The following DIP2A variants were observed in gnomAD, a reference collection of about 807,000 sequenced individuals.
The protein encoded by DIP2A is DIP2 acetate--CoA ligase A, also known as disco-interacting protein 2 homolog A.
A neutral mutation model predicts 177.4 loss-of-function variants in DIP2A; 85 were observed. The observed-to-expected ratio is 0.48, with a 90% CI of 0.40 to 0.57. The LOEUF is 0.57. Ranked by LOEUF, DIP2A falls within the 20% of genes least tolerant of loss-of-function variation. The pLI, the probability that DIP2A is intolerant of heterozygous loss-of-function variation, is 0.00. For synonymous variants in DIP2A, 886 were observed against 881.8 expected (o/e 1.00, Z -0.08); for missense variants, 1,791 against 2,100.2 (o/e 0.85, Z 2.88).
chr21:46,529,471 C>T (rs1047873455), intron 9 of DIP2A, among the ~76,000 whole-genome samples: 9 of 151,798 alleles, frequency 5.9e-5, no homozygotes, highest in Admixed American at 5.3e-4. Flanking sequence ...CGTGGTGGTG[C>T]GTGCCTGTAA....
Position 46,554,827 on chromosome 21 carries a change from C to T in DIP2A, c.3282C>T (p.Ser1094=). 6.5e-7 allele frequency: 1 copy of T among 1,542,618 alleles called. No homozygotes were observed. Among genetic ancestry groups the T allele is most frequent in the Non-Finnish European group, 8.7e-7 (1 of 1,145,650 alleles). The part of the protein sequence containing the change: ...LPTVKMIVEV[S]KSACVLTTQA... ...CTTGGCCCCTCGCCATGCAGGTCAG[C>T]AAGTCTGCATGCGTCCTCACCACGC... The change falls in exon 28 of 38, where the codon AGC becomes AGT. Residue 1094 remains serine, a synonymous_variant. Coordinates refer to ENST00000417564, the MANE Select transcript of DIP2A (RefSeq NM_015151.4).
intron 33 of DIP2A, chr21:46,561,410 T>C: frequency 2.6e-6 from 1 of 377,600 alleles, no homozygotes; most frequent in Non-Finnish European, 5.0e-6. Flanking sequence ...AGTCCTGGAT[T>C]CTCAAGTATG....
intron 1 of DIP2A, among the ~76,000 whole-genome samples, chr21:46,461,251 G>A (rs1325655002): frequency 9.2e-6 from 1 of 108,922 alleles, no homozygotes; most frequent in South Asian, 3.3e-4. Context: ...GCAACAGAGC[G>A]AGAACCTGTC....
At chr21:46,471,292 A>G (rs1035115939) in intron 1 of DIP2A, among the ~76,000 whole-genome samples, 11 of 152,084 alleles carry the variant, frequency 7.2e-5, no homozygotes, top group African/African-American at 2.4e-4. Context: ...TGGCCTCCCA[A>G]AGTCCTGGGT....
intron 5 of DIP2A, among the ~76,000 whole-genome samples, chr21:46,502,731 A>C (rs1256373623): frequency 1.3e-5 from 2 of 152,044 alleles, no homozygotes; most frequent in Admixed American, 1.3e-4. Context: ...TACAGGTGTG[A>C]GCTACCATGT....
intron 2 of DIP2A, among the ~76,000 whole-genome samples, chr21:46,486,811 C>G (rs549302956): frequency 6.6e-6 from 1 of 152,288 alleles, no homozygotes; most frequent in South Asian, 2.1e-4. Flanking sequence ...GCACCTTATT[C>G]TCTTGTACAA....
chr21:46,463,500 A>C (rs759921843), intron 1 of DIP2A, among the ~76,000 whole-genome samples: 8 of 152,344 alleles, frequency 5.3e-5, no homozygotes, highest in Non-Finnish European at 7.3e-5. Context: ...TAATAGGTCT[A>C]TTCCATAGCT....
At chr21:46,575,149 A>G in the DIP2A span, among the ~76,000 whole-genome samples, 2 of 152,154 alleles carry the variant, frequency 1.3e-5, no homozygotes, top group African/African-American at 4.8e-5. Context: ...GTAATAAACC[A>G]TATTAATGGA....
chr21:46,482,370 T>C lies in DIP2A; in HGVS notation c.92-2387T>C, dbSNP rs79398578. 3.8e-3 allele frequency among the ~76,000 whole-genome samples: 584 copies of C among 152,314 alleles called. 3 individuals are homozygous for C. Among genetic ancestry groups the C allele is most frequent in the Non-Finnish European group, 5.6e-3 (379 of 68,026 alleles). ...TACCACCTAGTGACCTTGTAGCCAT[T>C]GTAACACAACACATTACTCACGTGT... On this transcript the variant is annotated intron_variant, in intron 1 of 37. Transcript: ENST00000417564.
At chr21:46,538,744 C>T (rs2839313) in intron 16 of DIP2A, 142 bp downstream of exon 16, 310,808 of 1,245,932 alleles carry the variant, frequency 0.25, 41,205 homozygotes, top group East Asian at 0.32. Flanking sequence ...TTCTATGACA[C>T]GGAACATCTT....
Position 46,534,121 on chromosome 21 carries a change from C to T in DIP2A, c.1539+8C>T. 6.3e-7 allele frequency: 1 copy of T among 1,596,844 alleles called. No homozygotes were observed. Among genetic ancestry groups the T allele is most frequent in the Non-Finnish European group, 8.6e-7 (1 of 1,165,024 alleles). On this transcript the variant is annotated splice_region_variant and intron_variant, in intron 12 of 37. Coordinates refer to ENST00000417564, the MANE Select transcript of DIP2A (RefSeq NM_015151.4). ...GGGACTGCCTACATTGAGGTAATGA[C>T]TGTTCCTAACTTAGAGAATGTAAAA...
In DIP2A at chr21:46,537,157, T is replaced by C; in HGVS notation, c.1643-67T>C. The C allele has an allele frequency of 6.5e-7, 1 of 1,546,246 alleles. No individual in the cohort carries two copies. The highest frequency in any genetic ancestry group is 8.9e-7 in the Non-Finnish European group (1 of 1,118,224). On this transcript the variant is annotated intron_variant, in intron 13 of 37. Transcript: ENST00000417564. This position sits in a 1 kb window ranked among gnomAD's most constrained non-coding sequence, Gnocchi z 4.1. ...GATGACGTACTCACCTCAGAATTTCTCTAGAAAATGCATAGGGCTTATTGA... is the reference window on the plus strand; with the variant it reads ...GATGACGTACTCACCTCAGAATTTCCCTAGAAAATGCATAGGGCTTATTGA...
chr21:46,502,528 A>G (rs1202873256), intron 5 of DIP2A, among the ~76,000 whole-genome samples: 3 of 132,614 alleles, frequency 2.3e-5, no homozygotes, highest in South Asian at 2.4e-4. Context: ...GCTCACTGCA[A>G]CCTCCACCTC....
chr21:46,543,091 AT>A (rs1314281613), intron 18 of DIP2A, among the ~76,000 whole-genome samples: 1 of 152,072 alleles, frequency 6.6e-6, no homozygotes, highest in Non-Finnish European at 1.5e-5. Context: ...AAATGGCATC[AT>A]TTTTTTCCTG....
intron 18 of DIP2A, among the ~76,000 whole-genome samples, 160 bp from the exon 19 acceptor site, chr21:46,544,977 G>A (rs1384827767): frequency 6.6e-6 from 1 of 152,206 alleles, no homozygotes; most frequent in Non-Finnish European, 1.5e-5. Flanking sequence ...CTTACAGCTA[G>A]GTAGCATGTG....
chr21:46,463,243 T>A (rs2054480092), intron 1 of DIP2A: 1 of 152,370 alleles, frequency 6.6e-6, no homozygotes, highest in South Asian at 2.1e-4. Context: ...AACCTTGATA[T>A]TTAAAAAAGA....
chr21:46,528,568 T>TTTTTTTTTTTTTA (rs1569043246), intron 8 of DIP2A, among the ~76,000 whole-genome samples: 3 of 90,576 alleles, frequency 3.3e-5, no homozygotes, highest in Non-Finnish European at 7.0e-5. Context: ...TTTTTTTTTT[T>TTTTTTTTTTTTTA]AGATAATGTC....
At chr21:46,538,053 G>A (rs556061826) in intron 15 of DIP2A, among the ~76,000 whole-genome samples, 1 of 152,122 alleles carries the variant, frequency 6.6e-6, no homozygotes, top group East Asian at 1.9e-4. Flanking sequence ...GGGTAGGGGT[G>A]GGGGGATTGC....
rs75843712 is a variant in DIP2A, at chr21:46,556,202, A to G, written c.3498+111A>G. The G allele has an allele frequency of 0.049, 68,872 of 1,405,830 alleles. 2,001 individuals are homozygous for G. The highest frequency in any genetic ancestry group is 0.092 in the Middle Eastern group (519 of 5,624). The allele number at this position is 1,405,830 out of a possible 1,614,324, so 87.1% of individuals were successfully genotyped here. ...ACAGGTCCTTCTTATGCAAAGCACAAAGCAACAATTTTGCTTCTTAAGATT... is the reference window on the plus strand; with the variant it reads ...ACAGGTCCTTCTTATGCAAAGCACAGAGCAACAATTTTGCTTCTTAAGATT... On this transcript the variant is annotated intron_variant, in intron 29 of 37. Transcript: ENST00000417564. This position sits in a 1 kb window ranked among gnomAD's most constrained non-coding sequence, Gnocchi z 4.5.
Sources: gnomAD v4.1 joint callset for allele counts (sites outside exome capture counted in the v4.1 genomes callset) on GRCh38, gnomAD v4.1.1 for gene constraint, Gnocchi (gnomAD v3.1) non-coding constraint, MANE v1.5 for transcripts, NCBI Gene and HGNC (gene_info 2026-07-23, HGNC 2026-07-21) for gene names.